RANBP2: variants seen among roughly 807,000 people sequenced by gnomAD.
The protein encoded by RANBP2 is E3 SUMO-protein ligase RanBP2.
In RANBP2, 57 loss-of-function variants were observed where a neutral mutation model predicts 303.6. The ratio of observed to expected loss-of-function variants is 0.19; its 90% CI spans 0.15 to 0.23. The LOEUF (loss-of-function observed/expected upper bound fraction) is 0.23. Ranked by LOEUF, RANBP2 falls within the 10% of genes least tolerant of loss-of-function variation. RANBP2 has a pLI of 1.00. For missense variants in RANBP2, 3,138 were observed against 3,780.8 expected (o/e 0.83, Z 4.46); for synonymous variants, 1,167 against 1,301.5 (o/e 0.90, Z 2.23).
chr2:109,730,506 A>G, the RANBP2 span, among the ~76,000 whole-genome samples: 1 of 152,230 alleles, frequency 6.6e-6, no homozygotes, highest in African/African-American at 2.4e-5. Context: ...AGTTAACAGA[A>G]GTGAAGCAGA....
At chr2:109,528,158 G>C in the RANBP2 span, among the ~76,000 whole-genome samples, 1 of 152,320 alleles carries the variant, frequency 6.6e-6, no homozygotes, top group East Asian at 1.9e-4. Flanking sequence ...GGGCCCAGCA[G>C]GGCTTCAGCC....
the RANBP2 span, among the ~76,000 whole-genome samples, chr2:108,851,304 T>G: frequency 4.6e-5 from 7 of 152,120 alleles, no homozygotes; most frequent in Non-Finnish European, 1.0e-4. Context: ...TTTTGTTGTT[T>G]GTTTGTTTGT....
chr2:108,895,568 A>T, the RANBP2 span: 1 of 152,260 alleles, frequency 6.6e-6, no homozygotes, highest in Non-Finnish European at 1.5e-5. Context: ...ATTCCCATTT[A>T]AATGGACAAA....
chr2:109,684,267 C>T, the RANBP2 span, among the ~76,000 whole-genome samples: 2 of 1,090 alleles, frequency 1.8e-3, no homozygotes, highest in African/African-American at 2.3e-3. Context: ...TTTGAGGCAG[C>T]GTCTCCCTCT....
chr2:109,530,302 G>C, the RANBP2 span, among the ~76,000 whole-genome samples: 2 of 152,124 alleles, frequency 1.3e-5, no homozygotes, highest in African/African-American at 4.8e-5. Context: ...GGCGACGTTT[G>C]CTGTGACATC....
At chr2:109,437,917 T>TG in the RANBP2 span, among the ~76,000 whole-genome samples, 1 of 152,114 alleles carries the variant, frequency 6.6e-6, no homozygotes, top group Non-Finnish European at 1.5e-5. Context: ...GAGCCAGTGA[T>TG]GCTGACATGA....
chr2:109,298,024 G>A, the RANBP2 span, among the ~76,000 whole-genome samples: 2 of 152,188 alleles, frequency 1.3e-5, no homozygotes, highest in South Asian at 2.1e-4. Context: ...TGAGGCTGGT[G>A]TGTGGTGCAG....
At chr2:108,748,814 A>C (rs948957560) in intron 8 of RANBP2, 106 bp from the exon 9 acceptor site, 9 of 1,605,242 alleles carry the variant, frequency 5.6e-6, no homozygotes, top group African/African-American at 5.4e-5. Flanking sequence ...AGGGTTAGGT[A>C]TGCAGTAATC....
chr2:108,912,720 AG>A, the RANBP2 span: 1 of 1,603,138 alleles, frequency 6.2e-7, no homozygotes, highest in Non-Finnish European at 8.5e-7. Context: ...CTGCTGCCCG[AG>A]GTGCCAGGGA....
At chr2:108,802,468 T>C in the RANBP2 span, among the ~76,000 whole-genome samples, 2,270 of 143,444 alleles carry the variant, frequency 0.016, 65 homozygotes, top group African/African-American at 0.061. Context: ...GTGATTTTTG[T>C]ACATTGATTT....
intron 19 of RANBP2, 102 bp from the exon 20 acceptor site, chr2:108,763,135 T>A (rs925658861): frequency 1.3e-5 from 17 of 1,287,594 alleles, no homozygotes; most frequent in Non-Finnish European, 1.9e-5. Context: ...GAGATCTTCT[T>A]CACTTCATAT....
the RANBP2 span, among the ~76,000 whole-genome samples, chr2:109,554,652 G>A: frequency 2.6e-5 from 4 of 152,116 alleles, no homozygotes; most frequent in African/African-American, 7.2e-5. Context: ...AGTGGCCATC[G>A]CCGGGAATCA....
chr2:109,703,493 A>G, the RANBP2 span, among the ~76,000 whole-genome samples: 1 of 152,254 alleles, frequency 6.6e-6, no homozygotes, highest in Non-Finnish European at 1.5e-5. Flanking sequence ...CAATGGCACT[A>G]TCTCGGCTCA....
chr2:108,815,498 G>C, the RANBP2 span, among the ~76,000 whole-genome samples: 1 of 82,472 alleles, frequency 1.2e-5, no homozygotes. Flanking sequence ...ATGGAGTCTT[G>C]CTCTTTTGCC....
chr2:109,125,508 A>G, the RANBP2 span, among the ~76,000 whole-genome samples: 1 of 152,164 alleles, frequency 6.6e-6, no homozygotes, highest in South Asian at 2.1e-4. Flanking sequence ...CATCGTCATT[A>G]ATTTTTGGTA....
At chr2:109,160,227 G>A in the RANBP2 span, among the ~76,000 whole-genome samples, 1 of 152,220 alleles carries the variant, frequency 6.6e-6, no homozygotes, top group Admixed American at 6.5e-5. Flanking sequence ...AGCCAGGTCA[G>A]TCGGTAGCTG....
chr2:109,107,908 G>GTA, the RANBP2 span, among the ~76,000 whole-genome samples: 4 of 147,026 alleles, frequency 2.7e-5, no homozygotes, highest in African/African-American at 7.6e-5. Flanking sequence ...GCTAATGTTT[G>GTA]TATATATATT....
the RANBP2 span, among the ~76,000 whole-genome samples, chr2:109,520,750 G>A: frequency 1.4e-5 from 2 of 139,312 alleles, no homozygotes; most frequent in Non-Finnish European, 3.3e-5. Context: ...GGCCAATACG[G>A]TGAAACCCTG....
the RANBP2 span, among the ~76,000 whole-genome samples, chr2:108,990,170 G>A: frequency 6.6e-6 from 1 of 151,992 alleles, no homozygotes; most frequent in Non-Finnish European, 1.5e-5. Context: ...GGTGGCTCAC[G>A]CCTGTAATCC....
Sources: gnomAD v4.1 joint callset for allele counts (sites outside exome capture counted in the v4.1 genomes callset) on GRCh38, gnomAD v4.1.1 for gene constraint, MANE v1.5 for transcripts, NCBI Gene and HGNC (gene_info 2026-07-23, HGNC 2026-07-21) for gene names.